BICC1: variants seen among roughly 807,000 people sequenced by gnomAD.
The protein encoded by BICC1 is BicC family RNA binding protein 1.
Under a neutral mutation model 111.0 loss-of-function variants are expected in BICC1, and 43 were observed. The observed-to-expected ratio is 0.39, with a 90% CI of 0.30 to 0.50. The LOEUF is 0.50. Ranked by LOEUF, BICC1 falls within the 20% of genes least tolerant of loss-of-function variation. BICC1 has a pLI of 0.88. For synonymous variants in BICC1, 467 were observed against 434.4 expected, an observed-to-expected ratio of 1.07 and a Z score of -0.93; for missense variants, 1,091 against 1,203.2, an observed-to-expected ratio of 0.91 and a Z score of 1.38.
At chr10:58,648,438 G>A in intron 2 of BICC1, 1 of 880,652 alleles carries the variant, frequency 1.1e-6, no homozygotes, top group Non-Finnish European at 1.4e-6. Context: ...AGCCAAAAAA[G>A]GCATTTATTA....
At chr10:58,814,505 G>A (rs978258120) in intron 18 of BICC1, among the ~76,000 whole-genome samples, 25 of 152,016 alleles carry the variant, frequency 1.6e-4, no homozygotes, top group Non-Finnish European at 1.5e-5. Context: ...TTGAGGCCAG[G>A]CATGGCAGCT....
chr10:58,663,649 G>C (rs1838917061), intron 2 of BICC1, among the ~76,000 whole-genome samples: 1 of 152,140 alleles, frequency 6.6e-6, no homozygotes, highest in Non-Finnish European at 1.5e-5. Context: ...TGCATTCAAG[G>C]GATCTAGGTT....
chr10:58,735,933 C>T (rs1841452916), intron 3 of BICC1, among the ~76,000 whole-genome samples: 1 of 152,206 alleles, frequency 6.6e-6, no homozygotes, highest in Non-Finnish European at 1.5e-5. Flanking sequence ...TCCCATCTCA[C>T]ATGCTCCAGC....
rs146610036 is a variant in BICC1 at position 58,565,875 on chromosome 10, G to A, written c.190+52542G>A. On this transcript the variant is annotated intron_variant, in intron 1 of 20. Coordinates refer to ENST00000373886, the MANE Select transcript of BICC1 (RefSeq NM_001080512.3). Reference sequence around the variant, plus strand: ...AGGTGGTGTTTGGTTACATGCATAAGTTCTTTAGTGGTGATTTCTGAAATG... The same window carrying A: ...AGGTGGTGTTTGGTTACATGCATAAATTCTTTAGTGGTGATTTCTGAAATG... Among the ~76,000 whole-genome samples, 651 of 152,188 alleles carry A rather than the reference G, an allele frequency of 4.3e-3. 2 individuals are homozygous for A. The highest frequency in any genetic ancestry group is 7.1e-3 in the Non-Finnish European group (482 of 67,994).
rs551196347 is a variant in BICC1, at chr10:58,805,309, A to C, written c.2182-1275A>C. ...CTCTGTCTAAAAAACAAACAAACAAACAAACAAAAAAACTGCAAGTCATCG... is the reference window on the plus strand; with the variant it reads ...CTCTGTCTAAAAAACAAACAAACAACCAAACAAAAAAACTGCAAGTCATCG... On this transcript the variant is annotated intron_variant, in intron 15 of 20. Transcript: ENST00000373886. Among the ~76,000 whole-genome samples, 323 of 147,766 alleles carry C rather than the reference A, an allele frequency of 2.2e-3. 2 individuals carry two copies. The East Asian group carries it at 0.022, about 10-fold the overall frequency.
At position 58,536,309 on chromosome 10, in the gene BICC1, A is replaced by T. The variant is rs879085923; in HGVS notation, c.190+22976A>T. Among the ~76,000 whole-genome samples the T allele has an allele frequency of 7.2e-5, 11 of 151,786 alleles. 1 individual carries two copies. Among genetic ancestry groups the T allele is most frequent in the Admixed American group, 7.2e-4 (11 of 15,182 alleles). ...ATCAGCACATGGAACATTCTCCAAA[A>T]TAGATCATATGTAAGCTGCAAAACA... On this transcript the variant is annotated intron_variant, in intron 1 of 20. Transcript: ENST00000373886.
At chr10:58,521,195 A>G (rs1032385335) in intron 1 of BICC1, among the ~76,000 whole-genome samples, 1 of 152,066 alleles carries the variant, frequency 6.6e-6, no homozygotes, top group African/African-American at 2.4e-5. Flanking sequence ...TTTCTACTCA[A>G]ACTGCCCGGG....
At chr10:58,559,107 C>T in intron 1 of BICC1, among the ~76,000 whole-genome samples, 1 of 46,114 alleles carries the variant, frequency 2.2e-5, no homozygotes, top group African/African-American at 4.8e-5. Context: ...TTAATAACCA[C>T]CCCCCCAGGA....
chr10:58,543,969 A>AGCAAGT (rs1482840739), intron 1 of BICC1, among the ~76,000 whole-genome samples: 1 of 152,108 alleles, frequency 6.6e-6, no homozygotes, highest in Non-Finnish European at 1.5e-5. Flanking sequence ...GAAGAGCAAG[A>AGCAAGT]GCAAGTGTCA....
intron 2 of BICC1, among the ~76,000 whole-genome samples, chr10:58,667,727 G>A (rs1839060588): frequency 6.6e-6 from 1 of 152,050 alleles, no homozygotes. Context: ...GGGTTCACTT[G>A]AGTCTATTTA....
chr10:58,684,056 C>T (rs866879561), intron 2 of BICC1, among the ~76,000 whole-genome samples: 90 of 152,238 alleles, frequency 5.9e-4, no homozygotes, highest in Middle Eastern at 3.4e-3. Context: ...TCCACCAATA[C>T]CTAGTTTATT....
intron 3 of BICC1, among the ~76,000 whole-genome samples, chr10:58,754,988 G>A (rs984390679): frequency 1.1e-4 from 16 of 152,158 alleles, no homozygotes; most frequent in African/African-American, 3.9e-4. Context: ...GTTACAGTAT[G>A]TATTGCAGTC....
At chr10:58,625,033 A>G (rs1490037132) in intron 2 of BICC1, among the ~76,000 whole-genome samples, 4 of 152,192 alleles carry the variant, frequency 2.6e-5, no homozygotes, top group Admixed American at 2.6e-4. Context: ...CATTGGATCC[A>G]TTCTGTGTTA....
chr10:58,753,858 C>T (rs764835953), intron 3 of BICC1, among the ~76,000 whole-genome samples: 18 of 151,988 alleles, frequency 1.2e-4, no homozygotes, highest in Non-Finnish European at 2.1e-4. Context: ...TTCCCTATTC[C>T]GTACTATATC....
chr10:58,775,649 ACACAGTTGGGGTGAGGAATAATG>A (rs1184846339), intron 3 of BICC1, among the ~76,000 whole-genome samples: 1 of 152,216 alleles, frequency 6.6e-6, no homozygotes, highest in Non-Finnish European at 1.5e-5. Flanking sequence ...AACAAATAAT[ACACAGTTGGGGTGAGGAATAATG>A]CACAGTTGGG....
chr10:58,797,694 T>G (rs949509035), intron 10 of BICC1, among the ~76,000 whole-genome samples: 1 of 152,220 alleles, frequency 6.6e-6, no homozygotes, highest in Admixed American at 6.5e-5. Context: ...ATATACTTTA[T>G]GCTTTATATG....
At chr10:58,593,500 GC>G (rs1844704103) in intron 1 of BICC1, among the ~76,000 whole-genome samples, 1 of 152,126 alleles carries the variant, frequency 6.6e-6, no homozygotes, top group South Asian at 2.1e-4. Flanking sequence ...GCTCTGGTTG[GC>G]ATCTGGCAGG....
At chr10:58,619,979 C>T (rs572456007) in intron 1 of BICC1, among the ~76,000 whole-genome samples, 1 of 152,310 alleles carries the variant, frequency 6.6e-6, no homozygotes, top group African/African-American at 2.4e-5. Context: ...GTAGTTCTCA[C>T]TTCAGTACCT....
At chr10:58,733,113 C>T (rs941424686) in intron 3 of BICC1, among the ~76,000 whole-genome samples, 4 of 152,004 alleles carry the variant, frequency 2.6e-5, no homozygotes, top group African/African-American at 9.6e-5. Context: ...TAATATTTAT[C>T]ACTGTTACTG....
Sources: allele counts gnomAD v4.1 joint callset (sites outside exome capture counted in the v4.1 genomes callset), GRCh38; gene constraint gnomAD v4.1.1; transcripts MANE v1.5; gene names NCBI Gene and HGNC (gene_info 2026-07-23, HGNC 2026-07-21).